SOX5: variants seen among roughly 807,000 people sequenced by gnomAD.
The protein encoded by SOX5 is transcription factor SOX-5.
Under a neutral mutation model 92.0 loss-of-function variants are expected in SOX5, and 9 were observed. The observed-to-expected ratio is 0.10, with a 90% CI of 0.06 to 0.17. SOX5 has a LOEUF of 0.17. SOX5 is among the 10% of genes least tolerant of loss of function. The pLI is 1.00. For missense variants in SOX5, 642 were observed against 944.5 expected (o/e 0.68, Z 4.20); for synonymous variants, 344 against 336.3 (o/e 1.02, Z -0.25).
Position 24,120,349 on chromosome 12 carries a change from G to A in SOX5, c.-2+92994C>T, listed in dbSNP as rs115971674. On this transcript the variant is annotated intron_variant, in intron 4 of 4. Coordinates refer to the SOX5 transcript ENST00000446891. The stretch of plus-strand genomic sequence containing the variant: ...CTACAGTACACATTTTGTTTAAAAA[G>A]CCTATTATTTTTAATTCAGTAAATT... Among the ~76,000 whole-genome samples the A allele has an allele frequency of 9.9e-3, 1,503 of 152,214 alleles. 20 individuals are homozygous for A. The highest frequency in any genetic ancestry group is 0.034 in the African/African-American group (1,397 of 41,534).
At chr12:24,478,958 G>T (rs1945677710) in intron 1 of SOX5, among the ~76,000 whole-genome samples, 1 of 152,166 alleles carries the variant, frequency 6.6e-6, no homozygotes, top group African/African-American at 2.4e-5. Flanking sequence ...CCAGCTTATT[G>T]AAGGACTCCT....
intron 4 of SOX5, among the ~76,000 whole-genome samples, chr12:24,044,252 A>G (rs1298153323): frequency 6.6e-6 from 1 of 151,810 alleles, no homozygotes; most frequent in East Asian, 1.9e-4. Flanking sequence ...TGAAGGACAT[A>G]ATGCCTCAGC....
At chr12:24,487,848 T>A (rs918071516) in intron 1 of SOX5, among the ~76,000 whole-genome samples, 2 of 148,910 alleles carry the variant, frequency 1.3e-5, no homozygotes, top group Non-Finnish European at 3.0e-5. Context: ...CAGTGTCCTC[T>A]TTTTTTTTTC....
intron 2 of SOX5, among the ~76,000 whole-genome samples, chr12:23,881,023 T>C (rs936751984): frequency 6.6e-6 from 1 of 152,148 alleles, no homozygotes; most frequent in Non-Finnish European, 1.5e-5. Context: ...AAACAGCTAC[T>C]GTCTAACCCC....
In SOX5 at chr12:23,665,584, G is replaced by A. The variant is rs559702358; in HGVS notation, c.811-20C>T. On this transcript the variant is annotated intron_variant, in intron 6 of 14. Transcript: ENST00000451604. ...TTGAACCTGCTGAACGTGATAGAGCGAATCAAAGAGAAGAAGTTTCGATGC... is the reference window on the plus strand; with the variant it reads ...TTGAACCTGCTGAACGTGATAGAGCAAATCAAAGAGAAGAAGTTTCGATGC... 5 of 1,585,302 alleles carry A rather than the reference G, an allele frequency of 3.2e-6. No individual in the cohort carries two copies. Among genetic ancestry groups the A allele is most frequent in the African/African-American group, 2.7e-5 (2 of 73,510 alleles).
chr12:24,306,542 G>A lies in SOX5; in HGVS notation c.-173-29230C>T, dbSNP rs1430109340. Among the ~76,000 whole-genome samples, 5 of 152,154 alleles carry A rather than the reference G, an allele frequency of 3.3e-5. No homozygotes were observed. The East Asian group carries it at 9.6e-4, about 29-fold the overall frequency. On this transcript the variant is annotated intron_variant, in intron 2 of 4. Coordinates refer to the SOX5 transcript ENST00000446891. ...ATCTTCTTCAGGCTTTGCTTGCAGG[G>A]AAGATGAATGTTTGTTGTGCCTAGA...
At chr12:23,624,359 C>T (rs2077518414) in intron 8 of SOX5, among the ~76,000 whole-genome samples, 1 of 151,810 alleles carries the variant, frequency 6.6e-6, no homozygotes, top group East Asian at 1.9e-4. Context: ...ACATATTTTA[C>T]CATGATAAAA....
At chr12:24,382,736 C>T (rs1957966725) in intron 1 of SOX5, among the ~76,000 whole-genome samples, 1 of 152,050 alleles carries the variant, frequency 6.6e-6, no homozygotes, top group South Asian at 2.1e-4. Context: ...GAGAGGTGCT[C>T]AGATTCTGGA....
chr12:24,460,763 G>GT (rs1401756174), intron 1 of SOX5: 2 of 152,104 alleles, frequency 1.3e-5, no homozygotes, highest in African/African-American at 2.4e-5. Flanking sequence ...TTTTAGGGTT[G>GT]TAAGAATGCA....
chr12:24,266,034 ATGTGTGTGTGTG>A (rs59696898), intron 3 of SOX5, among the ~76,000 whole-genome samples: 17,737 of 127,660 alleles, frequency 0.14, 1,248 homozygotes, highest in Middle Eastern at 0.2. Context: ...ATGCCAGCTA[ATGTGTGTGTGTG>A]TGTGTGTGTG....
rs547655796 is a variant in SOX5 at position 24,052,890 on chromosome 12, G to A, written c.-1-156866C>T. 9.9e-5 allele frequency among the ~76,000 whole-genome samples: 15 copies of A among 152,274 alleles called. 1 individual carries two copies. The South Asian group carries it at 3.1e-3, about 32-fold the overall frequency. ...AAAATCTGAGAAAGAGAATTACAGAGTTGTTTTCAAATTCCTTATTACAAG... is the reference window on the plus strand; with the variant it reads ...AAAATCTGAGAAAGAGAATTACAGAATTGTTTTCAAATTCCTTATTACAAG... On this transcript the variant is annotated intron_variant, in intron 4 of 4. Coordinates refer to the SOX5 transcript ENST00000446891.
chr12:23,972,901 A>G (rs1460764639), intron 4 of SOX5, among the ~76,000 whole-genome samples: 1 of 152,122 alleles, frequency 6.6e-6, no homozygotes. Context: ...GCAATAGATC[A>G]CTAAAACTAT....
intron 4 of SOX5, among the ~76,000 whole-genome samples, chr12:24,090,658 A>G (rs1374110823): frequency 6.6e-6 from 1 of 152,218 alleles, no homozygotes; most frequent in African/African-American, 2.4e-5. Context: ...CAATAGTTTC[A>G]TTATTATTGT....
At chr12:23,821,095 T>C (rs1270190716) in intron 3 of SOX5, among the ~76,000 whole-genome samples, 3 of 152,202 alleles carry the variant, frequency 2.0e-5, no homozygotes, top group Non-Finnish European at 4.4e-5. Context: ...CCTCTCTTAT[T>C]TCCTTGAGCA....
At chr12:24,006,652 T>C (rs566457767) in intron 4 of SOX5, among the ~76,000 whole-genome samples, 3 of 152,224 alleles carry the variant, frequency 2.0e-5, no homozygotes, top group African/African-American at 7.2e-5. Flanking sequence ...ATCCTGTAAC[T>C]CAGTGTTAGG....
chr12:24,532,329 T>G (rs1332823213), intron 1 of SOX5, among the ~76,000 whole-genome samples: 1 of 152,210 alleles, frequency 6.6e-6, no homozygotes, highest in Non-Finnish European at 1.5e-5. Context: ...CCAACTGATT[T>G]GAAGCTATTG....
chr12:23,653,597 C>T (rs550635859), intron 7 of SOX5, among the ~76,000 whole-genome samples: 5 of 152,086 alleles, frequency 3.3e-5, no homozygotes, highest in South Asian at 2.1e-4. Context: ...TTCTGGAGGC[C>T]GGGAAGCCCA....
At chr12:24,463,669 C>T (rs1445322997) in intron 1 of SOX5, among the ~76,000 whole-genome samples, 1 of 152,162 alleles carries the variant, frequency 6.6e-6, no homozygotes, top group African/African-American at 2.4e-5. Flanking sequence ...AAATGCCTAT[C>T]TATTTTCAGA....
intron 6 of SOX5, among the ~76,000 whole-genome samples, chr12:23,703,701 A>C (rs2090984489): frequency 6.7e-6 from 1 of 150,254 alleles, no homozygotes; most frequent in African/African-American, 2.5e-5. Context: ...GCTACATATC[A>C]AAAGCTTCCT....
Sources: allele counts gnomAD v4.1 joint callset (sites outside exome capture counted in the v4.1 genomes callset), GRCh38; gene constraint gnomAD v4.1.1; transcripts MANE v1.5; gene names NCBI Gene and HGNC (gene_info 2026-07-23, HGNC 2026-07-21).